The following MGST2 variants were observed in gnomAD, a reference collection of about 807,000 sequenced individuals.
MGST2 encodes glutathione peroxidase MGST2.
Under a neutral mutation model 16.6 loss-of-function variants are expected in MGST2, and 9 were observed. That is an observed-to-expected ratio of 0.54 (90% CI 0.33 to 0.95). The LOEUF is 0.95. Among genes scored for constraint, MGST2 ranks in the 40% least tolerant of loss-of-function variants. MGST2 has a pLI of 0.03. For synonymous variants in MGST2, 79 were observed against 68.0 expected, an observed-to-expected ratio of 1.16 and a Z score of -0.79; for missense variants, 159 against 175.1, an observed-to-expected ratio of 0.91 and a Z score of 0.52.
intron 3 of MGST2, among the ~76,000 whole-genome samples, chr4:139,698,744 A>G (rs1028082333): frequency 1.3e-5 from 2 of 152,188 alleles, no homozygotes; most frequent in African/African-American, 2.4e-5. Context: ...CTGCTGGTGT[A>G]GCTGCAAGTG....
In MGST2 at chr4:139,666,107, C is replaced by CGTGT. The variant is rs769769736; in HGVS notation, c.58+31_58+32insTGTG. 5.3e-5 allele frequency: 62 copies of CGTGT among 1,174,972 alleles called. No individual in the cohort carries two copies. In the African/African-American group the frequency reaches 6.6e-4, roughly 13 times the overall value. 72.8% of individuals were successfully genotyped at this position (1,174,972 alleles called of 1,614,324 possible). ...GAGGCATGGGAAGTTCGTGTGTGTG[C>CGTGT]GCGTGTGTGCGTGTGTGTGTGTGTG... On this transcript the variant is annotated intron_variant, in intron 1 of 4. Coordinates refer to ENST00000265498, the MANE Select transcript of MGST2 (RefSeq NM_002413.5).
chr4:139,725,657 C>T, intron 5 of MGST2: 1 of 1,228,912 alleles, frequency 8.1e-7, no homozygotes. Context: ...TTCCTGGACA[C>T]AAATACAGCC....
chr4:139,679,559 G>A (rs1731132148), intron 2 of MGST2, among the ~76,000 whole-genome samples: 1 of 152,158 alleles, frequency 6.6e-6, no homozygotes, highest in African/African-American at 2.4e-5. Flanking sequence ...TAAATTATGG[G>A]ATTTGCATTC....
intron 1 of MGST2, among the ~76,000 whole-genome samples, chr4:139,677,535 CTTG>C (rs888641664): frequency 6.7e-6 from 1 of 150,082 alleles, no homozygotes; most frequent in African/African-American, 2.4e-5. Context: ...GAGTTTCACT[CTTG>C]TTGTCCAGGC....
intron 1 of MGST2, among the ~76,000 whole-genome samples, chr4:139,676,075 G>T (rs959838280): frequency 6.6e-6 from 1 of 151,980 alleles, no homozygotes. Flanking sequence ...CTCCCTCCTG[G>T]CCTCCTCATC....
At chr4:139,750,255 C>T in the MGST2 span, among the ~76,000 whole-genome samples, 10,191 of 152,196 alleles carry the variant, frequency 0.067, 502 homozygotes, top group East Asian at 0.095. Context: ...GTGACAATTC[C>T]CCAGTCCTTC....
At chr4:139,730,348 G>A (rs1332460857) in intron 5 of MGST2, 1 of 1,395,006 alleles carries the variant, frequency 7.2e-7, no homozygotes, top group African/African-American at 1.4e-5. Context: ...CTTCCTCACA[G>A]GCAGCAGGCA....
intron 1 of MGST2, among the ~76,000 whole-genome samples, chr4:139,670,904 C>CAA (rs111546595): frequency 1.7e-4 from 16 of 93,158 alleles, no homozygotes; most frequent in South Asian, 3.5e-4. Context: ...GACCCTATCT[C>CAA]AAAAAAAAAA....
Position 139,715,835 on chromosome 4 carries a change from A to G in MGST2, c.*48+11639A>G, listed in dbSNP as rs1468388486. Among the ~76,000 whole-genome samples, 1 of 152,068 alleles carries G rather than the reference A, an allele frequency of 6.6e-6. No homozygotes were observed. The highest frequency in any genetic ancestry group is 1.5e-5 in the Non-Finnish European group (1 of 68,024). On this transcript the variant is annotated intron_variant, in intron 5 of 5. Coordinates refer to the MGST2 transcript ENST00000616265. This position sits in a 1 kb window ranked among gnomAD's most constrained non-coding sequence, Gnocchi z 4.4. ...AAACTGTTTTATCAGCAAGGTCTTT[A>G]TGCCGTGTATTTTGTGCTGAACTCC...
intron 2 of MGST2, among the ~76,000 whole-genome samples, chr4:139,693,383 C>T (rs113711535): frequency 4.2e-4 from 56 of 133,232 alleles, no homozygotes; most frequent in African/African-American, 1.3e-3. Flanking sequence ...CCAGCCTGGG[C>T]GACAGAGCAA....
chr4:139,696,059 T>G (rs1160134216), intron 3 of MGST2, among the ~76,000 whole-genome samples: 2 of 152,228 alleles, frequency 1.3e-5, no homozygotes, highest in African/African-American at 4.8e-5. Flanking sequence ...AAAGAAAATG[T>G]TATTAAAATT....
intron 5 of MGST2, among the ~76,000 whole-genome samples, chr4:139,720,982 C>T (rs935869498): frequency 4.6e-5 from 7 of 152,206 alleles, no homozygotes; most frequent in African/African-American, 1.7e-4. Flanking sequence ...TTCGGATCCA[C>T]TCTGTAGATT....
intron 5 of MGST2, among the ~76,000 whole-genome samples, chr4:139,712,567 A>G (rs913845344): frequency 2.0e-5 from 3 of 152,182 alleles, no homozygotes; most frequent in African/African-American, 7.2e-5. Flanking sequence ...TTCATAAGGA[A>G]TCTCAGATAA....
chr4:139,715,094 G>A lies in MGST2; in HGVS notation c.*48+10898G>A, dbSNP rs564133593. Among the ~76,000 whole-genome samples, 3 of 152,230 alleles carry A rather than the reference G, an allele frequency of 2.0e-5. No individual in the cohort carries two copies. The highest frequency in any genetic ancestry group is 3.9e-4 in the East Asian group (2 of 5,176). On this transcript the variant is annotated intron_variant, in intron 5 of 5. Transcript: ENST00000616265. This position sits in a 1 kb window ranked among gnomAD's most constrained non-coding sequence, Gnocchi z 4.4. ...GAAGGGACTCTAACTCTCCTAAGTC[G>A]GGCCTCTAACCAGAGGTCGGTCAAG...
chr4:139,746,309 C>T, the MGST2 span, among the ~76,000 whole-genome samples: 3 of 152,148 alleles, frequency 2.0e-5, no homozygotes, highest in Non-Finnish European at 4.4e-5. Flanking sequence ...CATCAGTACA[C>T]AACCAGTTGG....
chr4:139,738,883 G>A (rs1197359881), intron 5 of MGST2, among the ~76,000 whole-genome samples: 1 of 152,074 alleles, frequency 6.6e-6, no homozygotes, highest in African/African-American at 2.4e-5. Context: ...TATGATCATG[G>A]TATATACACA....
chr4:139,686,347 A>T (rs1198529191), intron 2 of MGST2, among the ~76,000 whole-genome samples: 2 of 152,210 alleles, frequency 1.3e-5, no homozygotes, highest in Non-Finnish European at 2.9e-5. Context: ...CAGAGAGAAT[A>T]GTTTGTAAAA....
At chr4:139,725,748 C>T (rs369334983) in intron 5 of MGST2, 58 of 1,613,762 alleles carry the variant, frequency 3.6e-5, no homozygotes, top group Non-Finnish European at 3.4e-6. Flanking sequence ...GCACTGGCCT[C>T]ACCTTGAAAC....
intron 1 of MGST2, among the ~76,000 whole-genome samples, chr4:139,672,752 T>C (rs917881616): frequency 1.3e-5 from 2 of 152,136 alleles, no homozygotes; most frequent in African/African-American, 4.8e-5. Flanking sequence ...GGTTTCACCA[T>C]GTTGGCCGGG....
Sources: gnomAD v4.1 joint callset for allele counts (sites outside exome capture counted in the v4.1 genomes callset) on GRCh38, gnomAD v4.1.1 for gene constraint, Gnocchi (gnomAD v3.1) non-coding constraint, MANE v1.5 for transcripts, NCBI Gene and HGNC (gene_info 2026-07-23, HGNC 2026-07-21) for gene names.